EBF2: variants seen among roughly 807,000 people sequenced by gnomAD.
EBF2 encodes EBF transcription factor 2.
A neutral mutation model predicts 72.8 loss-of-function variants in EBF2; 21 were observed. The ratio of observed to expected loss-of-function variants is 0.29; its 90% confidence interval spans 0.20 to 0.42. The LOEUF (loss-of-function observed/expected upper bound fraction) is 0.42. Ranked by LOEUF, EBF2 falls within the 10% of genes least tolerant of loss-of-function variation. The pLI is 1.00. For missense variants in EBF2, 637 were observed against 731.2 expected (o/e 0.87, Z 1.49); for synonymous variants, 299 against 274.2 (o/e 1.09, Z -0.89).
At chr8:25,896,567 GGTTGCCATATAT>G (rs1178461695) in intron 7 of EBF2, among the ~76,000 whole-genome samples, 2 of 152,062 alleles carry the variant, frequency 1.3e-5, no homozygotes, top group African/African-American at 4.8e-5. Context: ...ATAACTGTTC[GGTTGCCATATAT>G]GTTATTTCAG....
At chr8:25,896,700 A>G (rs910611833) in intron 7 of EBF2, among the ~76,000 whole-genome samples, 3 of 152,230 alleles carry the variant, frequency 2.0e-5, no homozygotes, top group Non-Finnish European at 1.5e-5. Flanking sequence ...ACTTCTGGCT[A>G]TGGCGAGCGA....
chr8:25,862,632 G>T (rs780864474), intron 11 of EBF2, 77 bp downstream of exon 11: 2 of 1,185,168 alleles, frequency 1.7e-6, no homozygotes, highest in East Asian at 5.1e-5. Context: ...TTAATGGGAT[G>T]TAAATGCCTG....
rs757283514 is a variant in EBF2, at chr8:26,040,038, C to T, written c.472G>A (p.Val158Met). The part of the protein sequence containing the change: ...EMCRVLLTHE[V>M]MCSRCCEKKS... ...AAAGGCGGCTCTTACCTACACATCA[C>T]TTCGTGCGTCAGGAGAACTCGGCAC... The change falls in exon 5 of 16, where the codon GTG (valine) becomes ATG (methionine). Residue 158 changes from valine to methionine, a missense_variant. Coordinates refer to ENST00000520164, the MANE Select transcript of EBF2 (RefSeq NM_022659.4). The T allele has an allele frequency of 5.0e-6, 8 of 1,613,932 alleles. No homozygotes were observed. The highest frequency in any genetic ancestry group is 6.8e-6 in the Non-Finnish European group (8 of 1,179,958).
At chr8:25,895,728 G>A (rs569200998) in intron 7 of EBF2, among the ~76,000 whole-genome samples, 1 of 152,288 alleles carries the variant, frequency 6.6e-6, no homozygotes, top group Non-Finnish European at 1.5e-5. Flanking sequence ...GCCACAGTGG[G>A]GGTCACCCTT....
intron 11 of EBF2, among the ~76,000 whole-genome samples, chr8:25,861,648 T>C (rs1438937860): frequency 6.6e-6 from 1 of 152,238 alleles, no homozygotes; most frequent in Non-Finnish European, 1.5e-5. Context: ...GTATAGTTTA[T>C]TAAAATTATT....
At chr8:25,975,205 C>A (rs1168070628) in intron 6 of EBF2, among the ~76,000 whole-genome samples, 1 of 152,086 alleles carries the variant, frequency 6.6e-6, no homozygotes, top group Non-Finnish European at 1.5e-5. Context: ...CTGCTCAGCC[C>A]GGGTGAGCAG....
chr8:25,924,564 C>T (rs1362992078), intron 6 of EBF2, among the ~76,000 whole-genome samples: 1 of 152,180 alleles, frequency 6.6e-6, no homozygotes, highest in Non-Finnish European at 1.5e-5. Context: ...CTGTATTCAG[C>T]TGTAAAATAA....
chr8:25,913,388 C>A (rs572620901), intron 6 of EBF2, among the ~76,000 whole-genome samples: 1 of 152,004 alleles, frequency 6.6e-6, no homozygotes, highest in Non-Finnish European at 1.5e-5. Flanking sequence ...TTGCAGTGAG[C>A]CGAGATCACG....
At chr8:25,947,743 G>A (rs890539527) in intron 6 of EBF2, among the ~76,000 whole-genome samples, 14 of 152,220 alleles carry the variant, frequency 9.2e-5, no homozygotes, top group Non-Finnish European at 1.8e-4. Context: ...CCCCTGGGCT[G>A]CTGTTCCTTT....
chr8:25,983,369 T>C (rs1339607985), intron 6 of EBF2, among the ~76,000 whole-genome samples: 2 of 152,242 alleles, frequency 1.3e-5, no homozygotes. Flanking sequence ...AAAGTAATGA[T>C]GCAAAAGGGC....
chr8:25,908,465 G>T lies in EBF2; in HGVS notation c.633+9C>A. ...TTATTTAACAGGAAAGATCTGCAGGGCCCCTTACCTGAAACCGTCTCATGT... is the reference window on the plus strand; with the variant it reads ...TTATTTAACAGGAAAGATCTGCAGGTCCCCTTACCTGAAACCGTCTCATGT... On this transcript the variant is annotated intron_variant, in intron 7 of 15. Coordinates refer to ENST00000520164, the MANE Select transcript of EBF2 (RefSeq NM_022659.4). 3.7e-6 allele frequency: 6 copies of T among 1,602,688 alleles called. No homozygotes were observed. The highest frequency in any genetic ancestry group is 5.1e-6 in the Non-Finnish European group (6 of 1,170,640).
intron 7 of EBF2, among the ~76,000 whole-genome samples, chr8:25,898,998 C>T (rs1200345346): frequency 6.6e-6 from 1 of 152,150 alleles, no homozygotes; most frequent in Non-Finnish European, 1.5e-5. Context: ...AAAAGTTTCC[C>T]AGGCAACTAC....
At position 25,990,370 on chromosome 8, in the gene EBF2, A is replaced by T. The variant is rs1025043932; in HGVS notation, c.551+42715T>A. On this transcript the variant is annotated intron_variant, in intron 6 of 15. Coordinates refer to ENST00000520164, the MANE Select transcript of EBF2 (RefSeq NM_022659.4). ...GATCATATGTAACGTTGTTTTAAAC[A>T]GAAAGCTTAAAATGAGCAATGTTCA... is the stretch of plus-strand genomic sequence containing the variant. Among the ~76,000 whole-genome samples the T allele has an allele frequency of 3.9e-5, 6 of 152,362 alleles. No homozygotes were observed. The South Asian group carries it at 6.2e-4, about 16-fold the overall frequency.
intron 6 of EBF2, among the ~76,000 whole-genome samples, chr8:25,939,285 C>G (rs1375021396): frequency 1.3e-5 from 2 of 152,154 alleles, no homozygotes; most frequent in Non-Finnish European, 2.9e-5. Flanking sequence ...TACATATAAT[C>G]TATTTTCCTG....
chr8:26,019,081 G>C (rs938876831), intron 6 of EBF2, among the ~76,000 whole-genome samples: 1 of 152,112 alleles, frequency 6.6e-6, no homozygotes, highest in Non-Finnish European at 1.5e-5. Flanking sequence ...TTACTCCCTG[G>C]GTCAGGCTTT....
chr8:25,998,901 C>A (rs558178803), intron 6 of EBF2, among the ~76,000 whole-genome samples: 1 of 152,282 alleles, frequency 6.6e-6, no homozygotes, highest in East Asian at 1.9e-4. Context: ...CTCGTCACCA[C>A]CGTCTCTCTT....
intron 6 of EBF2, among the ~76,000 whole-genome samples, chr8:25,931,444 A>G (rs941466299): frequency 4.6e-5 from 7 of 152,204 alleles, no homozygotes; most frequent in Non-Finnish European, 7.3e-5. Flanking sequence ...ATGTTCCTTA[A>G]TAAACATGTG....
intron 13 of EBF2, among the ~76,000 whole-genome samples, chr8:25,859,538 G>A (rs75934641): frequency 0.015 from 2,302 of 152,228 alleles, 112 homozygotes; most frequent in Admixed American, 0.092. Flanking sequence ...GACGGGGGAA[G>A]GAGTGAGAAA....
chr8:25,860,487 CTT>C (rs57717365), intron 13 of EBF2, among the ~76,000 whole-genome samples: 53 of 139,268 alleles, frequency 3.8e-4, no homozygotes, highest in Non-Finnish European at 3.9e-4. Context: ...ATACCCAATC[CTT>C]TTTTTTTTTT....
Sources: allele counts gnomAD v4.1 joint callset (sites outside exome capture counted in the v4.1 genomes callset), GRCh38; gene constraint gnomAD v4.1.1; transcripts MANE v1.5; gene names NCBI Gene and HGNC (gene_info 2026-07-23, HGNC 2026-07-21).